Variants in UNC79 observed in about 807,000 individuals in gnomAD.
The protein encoded by UNC79 is unc-79 subunit of NALCN channel complex, also known as protein unc-79 homolog.
UNC79 carries 37 observed loss-of-function variants against 283.1 expected under a neutral mutation model. The ratio of observed to expected loss-of-function variants is 0.13; its 90% CI spans 0.10 to 0.17. The LOEUF (loss-of-function observed/expected upper bound fraction) is 0.17. UNC79 is among the 10% of genes least tolerant of loss of function. The probability of loss-of-function intolerance (pLI) is 1.00; values close to 1 mark genes in which losing one functional copy is unlikely to be tolerated. For missense variants in UNC79, 2,272 were observed against 3,211.1 expected (o/e 0.71, Z 7.07); for synonymous variants, 1,107 against 1,200.2 (o/e 0.92, Z 1.61).
At chr14:93,355,150 C>T (rs2054059477) in intron 1 of UNC79, among the ~76,000 whole-genome samples, 1 of 152,090 alleles carries the variant, frequency 6.6e-6, no homozygotes, top group Non-Finnish European at 1.5e-5. Flanking sequence ...CTGCCTCAGC[C>T]TCCTGAGTAG....
chr14:93,671,591 G>A (rs1266067958), intron 40 of UNC79, among the ~76,000 whole-genome samples: 5 of 152,058 alleles, frequency 3.3e-5, no homozygotes, highest in Non-Finnish European at 7.4e-5. Flanking sequence ...TGACCAACAT[G>A]GAGAAACCCC....
intron 1 of UNC79, among the ~76,000 whole-genome samples, chr14:93,344,394 C>T (rs1049502774): frequency 1.3e-5 from 2 of 152,164 alleles, no homozygotes; most frequent in Non-Finnish European, 2.9e-5. Context: ...TAAAGAGAGG[C>T]CCAGAACTCA....
At chr14:93,553,722 C>T (rs890104342) in intron 14 of UNC79, among the ~76,000 whole-genome samples, 2 of 152,150 alleles carry the variant, frequency 1.3e-5, no homozygotes, top group African/African-American at 4.8e-5. Context: ...ATTAATCACA[C>T]ATTTATGTGA....
At chr14:93,381,296 G>A (rs61994472) in intron 1 of UNC79, among the ~76,000 whole-genome samples, 9,951 of 152,240 alleles carry the variant, frequency 0.065, 600 homozygotes, top group East Asian at 0.34. Context: ...ATCTGATGAC[G>A]GATGTTGGGG....
In UNC79 at chr14:93,575,045, CT is replaced by C; in HGVS notation, c.2071-7del. The C allele has an allele frequency of 1.9e-6, 3 of 1,587,736 alleles. No homozygotes were observed. Among genetic ancestry groups the C allele is most frequent in the Non-Finnish European group, 1.7e-6 (2 of 1,169,058 alleles). On this transcript the variant is annotated splice_polypyrimidine_tract_variant and intron_variant, in intron 16 of 48. Coordinates refer to ENST00000555664, the Ensembl canonical transcript of UNC79. Reference sequence around the variant, plus strand: ...CATGTGTTTTTTGGGGGATATATGCCTTTTTTCCCTAGGTATTATCGGAGTT... The same window carrying C: ...CATGTGTTTTTTGGGGGATATATGCCTTTTTCCCTAGGTATTATCGGAGTT...
chr14:93,703,956 G>C (rs571277093), intron 47 of UNC79, among the ~76,000 whole-genome samples: 3 of 152,284 alleles, frequency 2.0e-5, no homozygotes, highest in African/African-American at 7.2e-5. Flanking sequence ...CCAAAGCAGA[G>C]AGAAGGAGCA....
intron 1 of UNC79, among the ~76,000 whole-genome samples, chr14:93,338,914 A>G (rs970694233): frequency 6.6e-6 from 1 of 151,960 alleles, no homozygotes; most frequent in Non-Finnish European, 1.5e-5. Flanking sequence ...CTCAAAAACA[A>G]ACAAAAAAAA....
chr14:93,509,300 C>G (rs573657530), intron 7 of UNC79, among the ~76,000 whole-genome samples: 2 of 152,058 alleles, frequency 1.3e-5, no homozygotes, highest in African/African-American at 4.8e-5. Context: ...CATATAATTC[C>G]ACCCTTGGCC....
chr14:93,561,622 G>A (rs2062559063), intron 14 of UNC79, among the ~76,000 whole-genome samples: 2 of 152,144 alleles, frequency 1.3e-5, no homozygotes, highest in African/African-American at 4.8e-5. Flanking sequence ...GGAGATAGCT[G>A]GGGAGAGGTA....
chr14:93,647,879 A>G (rs557377191), intron 35 of UNC79, among the ~76,000 whole-genome samples: 128 of 152,310 alleles, frequency 8.4e-4, no homozygotes, highest in African/African-American at 3.0e-3. Flanking sequence ...GAGCAAAGGG[A>G]CGTCTTACAT....
chr14:93,362,476 G>T (rs915442489), intron 1 of UNC79, among the ~76,000 whole-genome samples: 1 of 152,072 alleles, frequency 6.6e-6, no homozygotes, highest in East Asian at 1.9e-4. Context: ...AGCCTCCCAA[G>T]TAGCTAGGAT....
In UNC79 at chr14:93,524,254, G is replaced by A. The variant is rs955247361; in HGVS notation, c.963+212G>A. ...CTGCAGTTTTGGCTATGCGTTCGTAGCCAAGTGCTATGTAGCACTGAGCTA... is the reference window on the plus strand; with the variant it reads ...CTGCAGTTTTGGCTATGCGTTCGTAACCAAGTGCTATGTAGCACTGAGCTA... On this transcript the variant is annotated intron_variant, in intron 8 of 48. Coordinates refer to ENST00000555664, the Ensembl canonical transcript of UNC79. Among the ~76,000 whole-genome samples the A allele has an allele frequency of 7.2e-5, 11 of 152,332 alleles. No homozygotes were observed. The South Asian group carries it at 2.3e-3, about 32-fold the overall frequency.
At chr14:93,359,393 A>G (rs958789292) in intron 1 of UNC79, among the ~76,000 whole-genome samples, 1 of 152,216 alleles carries the variant, frequency 6.6e-6, no homozygotes, top group Non-Finnish European at 1.5e-5. Flanking sequence ...TGCATCTTTG[A>G]AAAGCCCTGT....
At chr14:93,497,096 G>A in intron 6 of UNC79, 61 bp from the exon 7 acceptor site, 1 of 1,552,962 alleles carries the variant, frequency 6.4e-7, no homozygotes. Flanking sequence ...TAATGTTGAA[G>A]TCTCTACCTT....
chr14:93,474,317 T>C lies in UNC79; in HGVS notation c.372T>C (p.Ser124=). 1 of 1,536,102 alleles carries C rather than the reference T, an allele frequency of 6.5e-7. No homozygotes were observed. ...ATGCTCAGTTGTCAGACTACCCTTC[T>C]TTGGACTACCAAGGCCTCTACGTGA... Residue 124 remains serine (S), a synonymous_variant, in exon 3 of 49, where the codon TCT becomes TCC. Transcript: ENST00000555664. This position sits in a 1 kb window ranked among gnomAD's most constrained non-coding sequence, Gnocchi z 4.1.
chr14:93,395,953 A>AT (rs1225677971), intron 1 of UNC79, among the ~76,000 whole-genome samples: 1 of 152,074 alleles, frequency 6.6e-6, no homozygotes, highest in East Asian at 1.9e-4. Flanking sequence ...TTATTGGCAA[A>AT]TATTTCTTCA....
chr14:93,452,292 A>G (rs568357325), intron 1 of UNC79, among the ~76,000 whole-genome samples: 11 of 151,772 alleles, frequency 7.2e-5, no homozygotes, highest in Admixed American at 2.6e-4. Context: ...GTGCACTGTT[A>G]CATCCCCAGC....
At chr14:93,642,848 G>A (rs938094651) in intron 33 of UNC79, among the ~76,000 whole-genome samples, 16 of 152,108 alleles carry the variant, frequency 1.1e-4, no homozygotes, top group African/African-American at 3.1e-4. Flanking sequence ...TTAGACTTTC[G>A]CTTCCTTTTA....
chr14:93,431,003 G>T (rs1177371631), exon 1 of UNC79: 4 of 701,382 alleles, frequency 5.7e-6, no homozygotes, highest in African/African-American at 5.3e-5. Context: ...AGATTTTGGG[G>T]CAAAGCCTTT....
Sources: gnomAD v4.1 joint callset for allele counts (sites outside exome capture counted in the v4.1 genomes callset) on GRCh38, gnomAD v4.1.1 for gene constraint, Gnocchi (gnomAD v3.1) non-coding constraint, MANE v1.5 for transcripts, NCBI Gene and HGNC (gene_info 2026-07-23, HGNC 2026-07-21) for gene names.